The following NRG1 variants were observed in gnomAD, a reference collection of about 807,000 sequenced individuals.
NRG1 encodes the protein neuregulin 1.
Under a neutral mutation model 63.8 loss-of-function variants are expected in NRG1, and 18 were observed. The observed-to-expected ratio is 0.28, with a 90% confidence interval of 0.19 to 0.42. The LOEUF (loss-of-function observed/expected upper bound fraction) is 0.42. Among genes scored for constraint, NRG1 ranks in the 10% least tolerant of loss-of-function variants. NRG1 has a pLI of 1.00. For synonymous variants in NRG1, 302 were observed against 301.3 expected (o/e 1.00, Z -0.02); for missense variants, 762 against 814.7 (o/e 0.94, Z 0.79).
chr8:31,992,735 A>G (rs1001818478), intron 1 of NRG1, among the ~76,000 whole-genome samples: 2 of 152,068 alleles, frequency 1.3e-5, no homozygotes, highest in Non-Finnish European at 2.9e-5. Context: ...GACATTGTGT[A>G]GGACAGTATA....
At chr8:31,915,506 C>T (rs1157938115) in intron 1 of NRG1, among the ~76,000 whole-genome samples, 1 of 152,068 alleles carries the variant, frequency 6.6e-6, no homozygotes, top group Non-Finnish European at 1.5e-5. Context: ...TCTGAAAGAA[C>T]AGATAGAAAC....
At chr8:32,284,790 C>T (rs560034956) in intron 1 of NRG1, among the ~76,000 whole-genome samples, 1 of 152,236 alleles carries the variant, frequency 6.6e-6, no homozygotes, top group African/African-American at 2.4e-5. Context: ...CTCAAGCAAT[C>T]CTCTTGCTTC....
At chr8:32,727,778 T>G (rs1204592689) in intron 5 of NRG1, among the ~76,000 whole-genome samples, 171 bp from the exon 6 acceptor site, 1 of 152,224 alleles carries the variant, frequency 6.6e-6, no homozygotes, top group Non-Finnish European at 1.5e-5. Flanking sequence ...TGATTCTATG[T>G]AGTGAGACCA....
At chr8:32,117,006 A>G (rs918520864) in intron 1 of NRG1, among the ~76,000 whole-genome samples, 2 of 144,532 alleles carry the variant, frequency 1.4e-5, no homozygotes, top group African/African-American at 2.6e-5. Context: ...GTCAGGTGTG[A>G]TGGTATATGC....
At chr8:32,425,931 C>A (rs1817299831) in intron 1 of NRG1, among the ~76,000 whole-genome samples, 1 of 152,130 alleles carries the variant, frequency 6.6e-6, no homozygotes, top group Non-Finnish European at 1.5e-5. Flanking sequence ...GAAACAGTTT[C>A]TCGGGCTGGG....
At chr8:31,928,488 C>A (rs771002532) in intron 1 of NRG1, among the ~76,000 whole-genome samples, 2 of 151,988 alleles carry the variant, frequency 1.3e-5, no homozygotes, top group Admixed American at 1.3e-4. Context: ...CCGACAATCC[C>A]ACTACTTGGT....
intron 1 of NRG1, among the ~76,000 whole-genome samples, chr8:32,219,701 T>G (rs1845610979): frequency 6.6e-6 from 1 of 152,238 alleles, no homozygotes; most frequent in Non-Finnish European, 1.5e-5. Context: ...CAGTTTCTGC[T>G]GCTTGGTTAC....
chr8:32,724,195 T>G (rs1467052059), intron 5 of NRG1, among the ~76,000 whole-genome samples: 1 of 152,228 alleles, frequency 6.6e-6, no homozygotes, highest in Non-Finnish European at 1.5e-5. Flanking sequence ...TGTCAGATTT[T>G]GTAGTGTTTC....
intron 1 of NRG1, among the ~76,000 whole-genome samples, chr8:31,946,612 CT>C (rs1802579818): frequency 2.0e-5 from 3 of 151,870 alleles, no homozygotes; most frequent in Admixed American, 1.3e-4. Flanking sequence ...ATGTATATCA[CT>C]CTTTATGATT....
At chr8:32,404,456 G>T (rs998502875) in intron 1 of NRG1, among the ~76,000 whole-genome samples, 6 of 151,956 alleles carry the variant, frequency 3.9e-5, no homozygotes, top group Non-Finnish European at 8.8e-5. Flanking sequence ...TATGCATTCG[G>T]TTCATGAATA....
chr8:31,747,806 T>A (rs1187939751), intron 1 of NRG1, among the ~76,000 whole-genome samples: 1 of 151,960 alleles, frequency 6.6e-6, no homozygotes, highest in Non-Finnish European at 1.5e-5. Context: ...AATCCACATG[T>A]CATCTTGAAA....
At chr8:32,491,607 G>A (rs1172050630) in intron 1 of NRG1, among the ~76,000 whole-genome samples, 1 of 152,222 alleles carries the variant, frequency 6.6e-6, no homozygotes, top group African/African-American at 2.4e-5. Context: ...TCCCTGGGTA[G>A]TCTGGCTTAG....
At chr8:31,859,871 C>T (rs1015473786) in intron 1 of NRG1, among the ~76,000 whole-genome samples, 2 of 152,320 alleles carry the variant, frequency 1.3e-5, no homozygotes, top group South Asian at 4.1e-4. Context: ...TTACATTTTT[C>T]CCTTGACCAT....
intron 1 of NRG1, among the ~76,000 whole-genome samples, chr8:32,439,477 T>C (rs2129487316): frequency 6.6e-6 from 1 of 152,268 alleles, no homozygotes; most frequent in South Asian, 2.1e-4. Flanking sequence ...TAGTGAAACC[T>C]GAAGAAGTAA....
At chr8:31,721,666 A>G (rs1196047250) in intron 1 of NRG1, among the ~76,000 whole-genome samples, 2 of 152,126 alleles carry the variant, frequency 1.3e-5, no homozygotes, top group Non-Finnish European at 2.9e-5. Context: ...TGAAGCAAGC[A>G]TTGATTTTTT....
intron 1 of NRG1, among the ~76,000 whole-genome samples, chr8:32,506,888 AT>A (rs1470458253): frequency 3.3e-5 from 5 of 152,192 alleles, no homozygotes; most frequent in Non-Finnish European, 7.3e-5. Flanking sequence ...TCTAAAAAAA[AT>A]AAGATAAAAA....
At chr8:32,583,836 G>A (rs1244378387) in intron 1 of NRG1, among the ~76,000 whole-genome samples, 4 of 152,158 alleles carry the variant, frequency 2.6e-5, no homozygotes, top group African/African-American at 7.2e-5. Context: ...TCCAAGTAAG[G>A]TCTCCAGTGT....
intron 1 of NRG1, among the ~76,000 whole-genome samples, chr8:31,892,060 T>A (rs569682896): frequency 5.3e-5 from 8 of 152,142 alleles, no homozygotes; most frequent in Non-Finnish European, 2.9e-5. Context: ...GATGGAATTG[T>A]CTGTTTCTTG....
At chr8:31,658,299 T>G (rs192625822) in intron 1 of NRG1, among the ~76,000 whole-genome samples, 1 of 152,292 alleles carries the variant, frequency 6.6e-6, no homozygotes, top group Non-Finnish European at 1.5e-5. Context: ...GGGTCAGGCA[T>G]TGGCTTCTAC....
Sources: gnomAD v4.1 joint callset for allele counts (sites outside exome capture counted in the v4.1 genomes callset) on GRCh38, gnomAD v4.1.1 for gene constraint, MANE v1.5 for transcripts, NCBI Gene and HGNC (gene_info 2026-07-23, HGNC 2026-07-21) for gene names.